LRP1: variants seen among roughly 807,000 people sequenced by gnomAD.
LRP1 encodes prolow-density lipoprotein receptor-related protein 1.
A neutral mutation model predicts 541.5 loss-of-function variants in LRP1; 51 were observed. The observed-to-expected ratio is 0.09, with a 90% CI of 0.08 to 0.12. The LOEUF is 0.12. Among genes scored for constraint, LRP1 ranks in the 10% least tolerant of loss-of-function variants. The pLI, the probability that LRP1 is intolerant of heterozygous loss-of-function variation, is 1.00. For synonymous variants in LRP1, 2,219 were observed against 2,470.8 expected (o/e 0.90, Z 3.02); for missense variants, 3,878 against 6,376.2 (o/e 0.61, Z 13.34).
intron 2 of LRP1, among the ~76,000 whole-genome samples, chr12:57,141,123 G>T (rs1185905794): frequency 6.6e-6 from 1 of 152,186 alleles, no homozygotes; most frequent in Non-Finnish European, 1.5e-5. Flanking sequence ...AGGCACTGGG[G>T]TCCATGGGAA....
rs2035816350 is a variant in LRP1 at position 57,165,263 on chromosome 12, A to T, written c.2531-542A>T. The T allele has an allele frequency of 6.5e-6, 1 of 153,232 alleles. No homozygotes were observed. The highest frequency in any genetic ancestry group is 6.5e-5 in the Admixed American group (1 of 15,462). 9.5% of individuals were successfully genotyped at this position (153,232 alleles called of 1,614,324 possible). Reference sequence around the variant, plus strand: ...ACAGGAGCCTGCACTTGTGGAGGTTACCAAGGCACAGACAAAGGACGTCGT... The same window carrying T: ...ACAGGAGCCTGCACTTGTGGAGGTTTCCAAGGCACAGACAAAGGACGTCGT... On this transcript the variant is annotated intron_variant, in intron 15 of 88. Coordinates refer to ENST00000243077, the MANE Select transcript of LRP1 (RefSeq NM_002332.3). The surrounding 1 kb of genome is among the most constrained non-coding windows in gnomAD (Gnocchi z 4.5).
chr12:57,184,528 T>C lies in LRP1; in HGVS notation c.6186+76T>C. 1 of 1,585,416 alleles carries C rather than the reference T, an allele frequency of 6.3e-7. No homozygotes were observed. The highest frequency in any genetic ancestry group is 1.7e-5 in the Admixed American group (1 of 57,684). On this transcript the variant is annotated intron_variant, in intron 38 of 88. Coordinates refer to ENST00000243077, the MANE Select transcript of LRP1 (RefSeq NM_002332.3). This position sits in a 1 kb window ranked among gnomAD's most constrained non-coding sequence, Gnocchi z 7.8. ...CTCCTGTTCCCTGTGATGAGCCCAT[T>C]CTGGGAGGACTTGGAGCCCAGGGGA...
intron 51 of LRP1, 83 bp downstream of exon 51, chr12:57,195,184 C>A: frequency 1.3e-6 from 2 of 1,573,074 alleles, no homozygotes; most frequent in Non-Finnish European, 1.7e-6. Context: ...ACAGACACCC[C>A]TGCAGACGAC....
chr12:57,212,201 C>T lies in LRP1; in HGVS notation c.13434C>T (p.Gly4478=), dbSNP rs769789309. The change falls in exon 88 of 89, where the codon GGC becomes GGT. Residue 4478 remains glycine, a synonymous_variant. Coordinates refer to ENST00000243077, the MANE Select transcript of LRP1 (RefSeq NM_002332.3). This position sits in a 1 kb window ranked among gnomAD's most constrained non-coding sequence, Gnocchi z 5.0. The part of the protein sequence containing the change: ...IGNPTYKMYE[G]GEPDDVGGLL... ...ACCCCACCTACAAGATGTACGAAGG[C>T]GGAGAGCCTGATGATGTGGGAGGCC... The T allele has an allele frequency of 2.8e-5, 45 of 1,613,834 alleles. No homozygotes were observed. Among genetic ancestry groups the T allele is most frequent in the South Asian group, 9.9e-5 (9 of 91,088 alleles).
In LRP1 at chr12:57,160,994, C is replaced by A; in HGVS notation, c.2081C>A (p.Thr694Asn). The A allele has an allele frequency of 6.2e-7, 1 of 1,614,022 alleles. No homozygotes were observed. The highest frequency in any genetic ancestry group is 8.5e-7 in the Non-Finnish European group (1 of 1,180,034). ...GGCTCACACCGAGACATCTTTGTCA[C>A]CTCCAAGACAGTGCTTTGGCCCAAT... ...MDGSHRDIFVTSKTVLWPNGL... is the reference protein window; with the variant it reads ...MDGSHRDIFVNSKTVLWPNGL... The change falls in exon 13 of 89, where the codon ACC becomes AAC. Residue 694 changes from threonine to asparagine, a missense_variant. Around this residue, in one of 13 missense-constraint regions of LRP1, gnomAD observed 496 missense variants for 861.0 expected, o/e 0.58. Coordinates refer to ENST00000243077, the MANE Select transcript of LRP1 (RefSeq NM_002332.3).
At chr12:57,140,069 G>T (rs370561807) in intron 2 of LRP1, among the ~76,000 whole-genome samples, 9 of 152,280 alleles carry the variant, frequency 5.9e-5, no homozygotes, top group African/African-American at 2.2e-4. Flanking sequence ...AACAAAGGAA[G>T]TTGCAGAGAT....
At position 57,185,310 on chromosome 12, in the gene LRP1, C is replaced by G. The variant is rs981987756; in HGVS notation, c.6463+105C>G. 2.7e-6 allele frequency: 4 copies of G among 1,495,202 alleles called. No individual in the cohort carries two copies. In the African/African-American group the frequency reaches 5.6e-5, roughly 21 times the overall value. 92.6% of individuals were successfully genotyped at this position (1,495,202 alleles called of 1,614,324 possible). ...TGAGAGGGCTGGGAGACAAGTTAGA[C>G]CCATGGGGCAACTTCCGATGGCCCG... On this transcript the variant is annotated intron_variant, in intron 40 of 88. Coordinates refer to ENST00000243077, the MANE Select transcript of LRP1 (RefSeq NM_002332.3). The surrounding 1 kb of genome is among the most constrained non-coding windows in gnomAD (Gnocchi z 4.9).
At chr12:57,159,715 C>A in intron 11 of LRP1, 110 bp from the exon 12 acceptor site, 1 of 1,066,086 alleles carries the variant, frequency 9.4e-7, no homozygotes, top group Non-Finnish European at 1.4e-6. Context: ...GTCCCTGCAC[C>A]CCTCTGTAGC....
chr12:57,154,170 CT>C lies in LRP1; in HGVS notation c.842-37del. The C allele has an allele frequency of 6.3e-7, 1 of 1,589,850 alleles. No individual in the cohort carries two copies. The stretch of plus-strand genomic sequence containing the variant: ...AGGGTGGGCATCTCTGCAAGAGGGC[CT>C]ACCCCACCCCATGGCTCTTTCATTC... On this transcript the variant is annotated intron_variant, in intron 6 of 88. Coordinates refer to ENST00000243077, the MANE Select transcript of LRP1 (RefSeq NM_002332.3). The surrounding 1 kb of genome is among the most constrained non-coding windows in gnomAD (Gnocchi z 4.6).
At position 57,180,440 on chromosome 12, in the gene LRP1, C is replaced by A. The variant is rs762970763; in HGVS notation, c.5347C>A (p.Arg1783=). The change falls in exon 32 of 89, where the codon CGG becomes AGG. Residue 1783 remains arginine (R), a synonymous_variant. Coordinates refer to ENST00000243077, the MANE Select transcript of LRP1 (RefSeq NM_002332.3). ...TGGGCTGGAGGTCATCGATGCCATG[C>A]GGAGCCAGCTGGGCAAGGCCACCGC... ...GSGLEVIDAM[R]SQLGKATALA... 6 of 1,613,992 alleles carry A rather than the reference C, an allele frequency of 3.7e-6. No homozygotes were observed. The highest frequency in any genetic ancestry group is 1.1e-5 in the South Asian group (1 of 91,090).
Position 57,154,150 on chromosome 12 carries a change from G to A in LRP1, c.842-58G>A, listed in dbSNP as rs2035576247. On this transcript the variant is annotated intron_variant, in intron 6 of 88. Coordinates refer to ENST00000243077, the MANE Select transcript of LRP1 (RefSeq NM_002332.3). The surrounding 1 kb of genome is among the most constrained non-coding windows in gnomAD (Gnocchi z 4.6). ...GTGTGGGTTCTCACCAGCAAAGGGT[G>A]GGCATCTCTGCAAGAGGGCCTACCC... 8 of 1,523,348 alleles carry A rather than the reference G, an allele frequency of 5.3e-6. No individual in the cohort carries two copies. The highest frequency in any genetic ancestry group is 6.3e-6 in the Non-Finnish European group (7 of 1,109,638). The allele number at this position is 1,523,348 out of a possible 1,614,324, so 94.4% of individuals were successfully genotyped here.
rs2036099060 is a variant in LRP1 at position 57,178,674 on chromosome 12, G to A, written c.4606+71G>A. On this transcript the variant is annotated intron_variant, in intron 27 of 88. Transcript: ENST00000243077. The surrounding 1 kb of genome is among the most constrained non-coding windows in gnomAD (Gnocchi z 5.8). ...TCTTTAGAAGCTGTAGAAGCTCTTA[G>A]GAGAGGAGAGGGCAGTGAGAACAGG... 2 of 1,599,328 alleles carry A rather than the reference G, an allele frequency of 1.3e-6. No homozygotes were observed. Among genetic ancestry groups the A allele is most frequent in the Non-Finnish European group, 1.7e-6 (2 of 1,171,392 alleles).
rs149746101 is a variant in LRP1, at chr12:57,203,284, C to T, written c.10815C>T (p.Asp3605=). Residue 3605 remains aspartate (D), a synonymous_variant, in exon 69 of 89, where the codon GAC becomes GAT. Coordinates refer to ENST00000243077, the MANE Select transcript of LRP1 (RefSeq NM_002332.3). ...ACCACGACTGCGCGGACGGCTCGGA[C>T]GAGGTGGGCAGGGAGATGAGAAGGA... ...DGDHDCADGS[D]EKDCTPRCDM... is the part of the protein sequence containing the mutation. 33 of 1,603,904 alleles carry T rather than the reference C, an allele frequency of 2.1e-5. No individual in the cohort carries two copies. The highest frequency in any genetic ancestry group is 1.1e-4 in the African/African-American group (8 of 74,904).
chr12:57,212,768 A>C lies in LRP1; in HGVS notation c.*213A>C. On this transcript the variant is annotated 3_prime_UTR_variant, in exon 89 of 89. Transcript: ENST00000243077. The surrounding 1 kb of genome is among the most constrained non-coding windows in gnomAD (Gnocchi z 5.0). Reference sequence around the variant, plus strand: ...TCCCTGCCTGCTCCTTGGCACCCCCATGCTGCCTTCAGGGAGACAGGCAGG... The same window carrying C: ...TCCCTGCCTGCTCCTTGGCACCCCCCTGCTGCCTTCAGGGAGACAGGCAGG... 9 of 532,980 alleles carry C rather than the reference A, an allele frequency of 1.7e-5. No individual in the cohort carries two copies. Among genetic ancestry groups the C allele is most frequent in the Non-Finnish European group, 2.0e-5 (6 of 306,026 alleles). The allele number at this position is 532,980 out of a possible 1,614,324, so 33.0% of individuals were successfully genotyped here. A position where few individuals can be genotyped will look rare whatever the true frequency, so the allele number is the denominator to read the frequency against.
Position 57,200,523 on chromosome 12 carries a change from C to T in LRP1, c.10096C>T (p.Pro3366Ser). The change falls in exon 63 of 89, where the codon CCC (proline) becomes TCC (serine). Residue 3366 changes from proline (P) to serine (S), a missense_variant. Physicochemically the swap from Pro to Ser is moderately conservative, Grantham distance 74. Around this residue, in one of 13 missense-constraint regions of LRP1, gnomAD observed 278 missense variants for 536.3 expected, o/e 0.52. Coordinates refer to ENST00000243077, the MANE Select transcript of LRP1 (RefSeq NM_002332.3). The part of the protein sequence containing the change: ...EDDCGDHSDE[P>S]PDCPEFKCRP... ...CGACTGCGGGGACCACTCAGACGAGCCCCCGGACTGCCGTGAGTGCCTGCT... is the reference window on the plus strand; with the variant it reads ...CGACTGCGGGGACCACTCAGACGAGTCCCCGGACTGCCGTGAGTGCCTGCT... The T allele has an allele frequency of 1.9e-6, 3 of 1,613,116 alleles. No individual in the cohort carries two copies. The highest frequency in any genetic ancestry group is 2.5e-6 in the Non-Finnish European group (3 of 1,179,460).
Position 57,161,048 on chromosome 12 carries a change from G to T in LRP1, c.2135G>T (p.Arg712Leu), listed in dbSNP as rs1274714780. 3 of 1,613,916 alleles carry T rather than the reference G, an allele frequency of 1.9e-6. No homozygotes were observed. Among genetic ancestry groups the T allele is most frequent in the Non-Finnish European group, 2.5e-6 (3 of 1,180,026 alleles). Residue 712 changes from arginine (R) to leucine (L), a missense_variant, in exon 13 of 89, where the codon CGC becomes CTC. This residue lies in a region of LRP1 where 496 missense variants were observed against 861.0 expected (regional missense o/e 0.58). Transcript: ENST00000243077. ...NGLSLDIPAG[R>L]LYWVDAFYDR... The stretch of plus-strand genomic sequence containing the variant: ...CTAAGCCTGGACATCCCGGCTGGGC[G>T]CCTCTACTGGGTGGATGCCTTCTAC...
At chr12:57,141,625 G>A in intron 3 of LRP1, 114 bp downstream of exon 3, 2 of 1,338,680 alleles carry the variant, frequency 1.5e-6, no homozygotes, top group South Asian at 1.4e-5. Flanking sequence ...CTGGTCCCCT[G>A]CCTAGATTTA....
At chr12:57,170,068 C>T (rs2035916334) in intron 20 of LRP1, among the ~76,000 whole-genome samples, 1 of 152,226 alleles carries the variant, frequency 6.6e-6, no homozygotes, top group African/African-American at 2.4e-5. Context: ...CAGGCCTCTC[C>T]CCAGCCTCCG....
rs776693700 is a variant in LRP1, at chr12:57,181,118, C to T, written c.5528-39C>T. 4 of 1,598,814 alleles carry T rather than the reference C, an allele frequency of 2.5e-6. No individual in the cohort carries two copies. The South Asian group carries it at 3.4e-5, about 14-fold the overall frequency. Reference sequence around the variant, plus strand: ...CCTGACCCTGAGGTCCCAAGGAGGGCCACCTAACCCTTTCCCTCTGCCTCC... The same window carrying T: ...CCTGACCCTGAGGTCCCAAGGAGGGTCACCTAACCCTTTCCCTCTGCCTCC... On this transcript the variant is annotated intron_variant, in intron 33 of 88. Transcript: ENST00000243077.
Sources: gnomAD v4.1 joint callset for allele counts (sites outside exome capture counted in the v4.1 genomes callset) on GRCh38, gnomAD v4.1.1 for gene constraint, gnomAD v4.1.1 regional missense constraint, Gnocchi (gnomAD v3.1) non-coding constraint, MANE v1.5 for transcripts, NCBI Gene and HGNC (gene_info 2026-07-23, HGNC 2026-07-21) for gene names.